Variants in CNTNAP5 observed in about 807,000 individuals in gnomAD.
CNTNAP5 encodes the protein contactin-associated protein-like 5.
Under a neutral mutation model 150.2 loss-of-function variants are expected in CNTNAP5, and 72 were observed. The ratio of observed to expected loss-of-function variants is 0.48; its 90% CI spans 0.40 to 0.58. CNTNAP5 has a LOEUF of 0.58. CNTNAP5 is among the 20% of genes least tolerant of loss of function. The pLI is 0.00. For synonymous variants in CNTNAP5, 672 were observed against 619.8 expected (o/e 1.08, Z -1.25); for missense variants, 1,636 against 1,626.2 (o/e 1.01, Z -0.10).
intron 3 of CNTNAP5, among the ~76,000 whole-genome samples, chr2:124,341,139 G>A (rs1289490953): frequency 6.6e-6 from 1 of 151,690 alleles, no homozygotes; most frequent in South Asian, 2.1e-4. Flanking sequence ...CACACAAAAA[G>A]AATCCATAAA....
At chr2:124,299,704 C>G (rs1209813309) in intron 3 of CNTNAP5, among the ~76,000 whole-genome samples, 1 of 152,156 alleles carries the variant, frequency 6.6e-6, no homozygotes, top group African/African-American at 2.4e-5. Context: ...CCATACTAGT[C>G]TAAGTAATTA....
chr2:124,250,858 G>C (rs1321585978), intron 3 of CNTNAP5, among the ~76,000 whole-genome samples: 1 of 151,470 alleles, frequency 6.6e-6, no homozygotes, highest in Non-Finnish European at 1.5e-5. Context: ...TATTGCAATG[G>C]TAACAATCAA....
intron 1 of CNTNAP5, among the ~76,000 whole-genome samples, chr2:124,194,490 C>A (rs928745676): frequency 6.7e-6 from 1 of 149,370 alleles, no homozygotes; most frequent in African/African-American, 2.5e-5. Flanking sequence ...GGTAAACTGA[C>A]AAACATGCAT....
intron 1 of CNTNAP5, among the ~76,000 whole-genome samples, chr2:124,105,045 AT>A (rs146660819): frequency 0.092 from 13,907 of 151,808 alleles, 766 homozygotes; most frequent in Non-Finnish European, 0.13. Context: ...CTACACATAT[AT>A]AAGCATATAA....
chr2:124,739,104 A>T (rs900191551), intron 13 of CNTNAP5, among the ~76,000 whole-genome samples: 8 of 152,042 alleles, frequency 5.3e-5, no homozygotes, highest in Non-Finnish European at 1.0e-4. Context: ...GACTTTTATC[A>T]TTTGTTTTGA....
At chr2:124,786,828 C>A (rs1259211213) in intron 17 of CNTNAP5, among the ~76,000 whole-genome samples, 1 of 152,070 alleles carries the variant, frequency 6.6e-6, no homozygotes, top group African/African-American at 2.4e-5. Flanking sequence ...TAAAAAGGGC[C>A]GCTTTTAAAA....
chr2:124,125,938 C>T (rs1225658206), intron 1 of CNTNAP5, among the ~76,000 whole-genome samples: 4 of 152,112 alleles, frequency 2.6e-5, no homozygotes, highest in Admixed American at 6.6e-5. Context: ...ATTTATAGCA[C>T]TAAATGTCCA....
intron 3 of CNTNAP5, among the ~76,000 whole-genome samples, chr2:124,416,169 T>G (rs1355674908): frequency 6.6e-6 from 1 of 152,142 alleles, no homozygotes; most frequent in Non-Finnish European, 1.5e-5. Context: ...CTTCAGAGAA[T>G]AGCCTTAACC....
intron 3 of CNTNAP5, among the ~76,000 whole-genome samples, chr2:124,246,934 C>T (rs1015463096): frequency 1.6e-4 from 24 of 152,108 alleles, no homozygotes; most frequent in African/African-American, 3.6e-4. Flanking sequence ...TTATTATAGA[C>T]GCTTTTGGCC....
chr2:124,055,993 C>A (rs1350878917), intron 1 of CNTNAP5, among the ~76,000 whole-genome samples: 2 of 152,168 alleles, frequency 1.3e-5, no homozygotes. Flanking sequence ...CTTTCCCTTG[C>A]ACCTTCATCT....
At chr2:124,510,259 A>ATATATCTATATATC (rs1558933161) in intron 8 of CNTNAP5, among the ~76,000 whole-genome samples, 8 of 127,388 alleles carry the variant, frequency 6.3e-5, no homozygotes, top group African/African-American at 2.1e-4. Context: ...ATCTATATCT[A>ATATATCTATATATC]TATATCTATA....
intron 4 of CNTNAP5, among the ~76,000 whole-genome samples, chr2:124,428,559 G>T (rs1488890374): frequency 1.4e-5 from 2 of 145,832 alleles, no homozygotes; most frequent in Non-Finnish European, 3.1e-5. Flanking sequence ...AAGGGAGCAA[G>T]TGAAAGAGCA....
At chr2:124,765,592 G>A (rs1347577804) in intron 16 of CNTNAP5, among the ~76,000 whole-genome samples, 1 of 152,184 alleles carries the variant, frequency 6.6e-6, no homozygotes, top group East Asian at 1.9e-4. Flanking sequence ...CTAATTTGAA[G>A]TTTATATATA....
At chr2:124,446,026 A>C (rs1380655459) in intron 5 of CNTNAP5, among the ~76,000 whole-genome samples, 1 of 152,032 alleles carries the variant, frequency 6.6e-6, no homozygotes, top group East Asian at 1.9e-4. Flanking sequence ...TGTCTTCTCA[A>C]AGGGGTCTTC....
intron 10 of CNTNAP5, among the ~76,000 whole-genome samples, chr2:124,551,946 G>C (rs1695638530): frequency 6.6e-6 from 1 of 152,120 alleles, no homozygotes; most frequent in South Asian, 2.1e-4. Context: ...ATTTTTTTAA[G>C]AGGGGTAGGC....
chr2:124,251,467 CTTTT>C (rs11311025), intron 3 of CNTNAP5, among the ~76,000 whole-genome samples: 3 of 143,072 alleles, frequency 2.1e-5, no homozygotes, highest in Admixed American at 7.0e-5. Flanking sequence ...GCTGTGGGTG[CTTTT>C]TTTTTTTTTT....
At chr2:124,372,176 C>T (rs1327707042) in intron 3 of CNTNAP5, among the ~76,000 whole-genome samples, 1 of 152,066 alleles carries the variant, frequency 6.6e-6, no homozygotes, top group Non-Finnish European at 1.5e-5. Context: ...ATCTCCTGCC[C>T]TTGGACATCA....
intron 12 of CNTNAP5, among the ~76,000 whole-genome samples, chr2:124,629,016 A>T (rs1283119677): frequency 1.3e-5 from 2 of 151,872 alleles, no homozygotes; most frequent in Non-Finnish European, 2.9e-5. Flanking sequence ...GGAGCTATTT[A>T]AAATATATAT....
intron 1 of CNTNAP5, among the ~76,000 whole-genome samples, chr2:124,184,033 C>T (rs993957301): frequency 1.3e-5 from 2 of 152,064 alleles, no homozygotes; most frequent in Non-Finnish European, 2.9e-5. Flanking sequence ...TAGAGGATTC[C>T]AGAGGGAGTT....
Sources: gnomAD v4.1 joint callset for allele counts (sites outside exome capture counted in the v4.1 genomes callset) on GRCh38, gnomAD v4.1.1 for gene constraint, MANE v1.5 for transcripts, NCBI Gene and HGNC (gene_info 2026-07-23, HGNC 2026-07-21) for gene names.